Variants in TBC1D5 observed in about 807,000 individuals in gnomAD.
TBC1D5 encodes the protein TBC1 domain family, member 5.
In TBC1D5, 75 loss-of-function variants were observed where a neutral mutation model predicts 100.3. The ratio of observed to expected loss-of-function variants is 0.75; its 90% CI spans 0.62 to 0.91. The LOEUF (loss-of-function observed/expected upper bound fraction) is 0.91. Ranked by LOEUF, TBC1D5 falls within the 40% of genes least tolerant of loss-of-function variation. The pLI, the probability that TBC1D5 is intolerant of heterozygous loss-of-function variation, is 0.00. For synonymous variants in TBC1D5, 323 were observed against 325.6 expected, an observed-to-expected ratio of 0.99 and a Z score of 0.09; for missense variants, 910 against 942.4, an observed-to-expected ratio of 0.97 and a Z score of 0.45.
intron 15 of TBC1D5, among the ~76,000 whole-genome samples, chr3:17,280,164 C>A (rs558237071): frequency 2.6e-5 from 4 of 152,282 alleles, no homozygotes; most frequent in African/African-American, 9.6e-5. Flanking sequence ...TATAACAAAT[C>A]AGTAAACTAC....
At chr3:17,202,994 C>A (rs962731400) in intron 18 of TBC1D5, among the ~76,000 whole-genome samples, 1 of 152,234 alleles carries the variant, frequency 6.6e-6, no homozygotes, top group African/African-American at 2.4e-5. Flanking sequence ...AAGAGGGCCA[C>A]TGTCCTCCAG....
At chr3:17,532,632 T>C (rs1031690152) in intron 2 of TBC1D5, among the ~76,000 whole-genome samples, 3 of 152,176 alleles carry the variant, frequency 2.0e-5, no homozygotes, top group Non-Finnish European at 4.4e-5. Flanking sequence ...GTGGCACATA[T>C]ATACCATGGA....
chr3:17,541,553 T>C (rs766760029), intron 2 of TBC1D5, among the ~76,000 whole-genome samples: 1 of 152,220 alleles, frequency 6.6e-6, no homozygotes, highest in Non-Finnish European at 1.5e-5. Flanking sequence ...TTCTGCTACT[T>C]TGCTGAATTC....
chr3:17,325,375 T>A (rs1001181498), intron 13 of TBC1D5, among the ~76,000 whole-genome samples: 4 of 144,560 alleles, frequency 2.8e-5, no homozygotes, highest in Admixed American at 1.5e-4. Context: ...CAGGCTGGAG[T>A]GCAATGGTGT....
chr3:17,691,608 AGAGATG>A (rs2153830123), intron 1 of TBC1D5, among the ~76,000 whole-genome samples: 1 of 152,262 alleles, frequency 6.6e-6, no homozygotes, highest in South Asian at 2.1e-4. Context: ...CATGAGGTCA[AGAGATG>A]GAGACCATCC....
intron 15 of TBC1D5, among the ~76,000 whole-genome samples, chr3:17,263,943 A>G (rs1374474226): frequency 1.3e-5 from 2 of 152,122 alleles, no homozygotes; most frequent in African/African-American, 4.8e-5. Context: ...TGAGGTATAT[A>G]TTATATGAGA....
At chr3:17,526,221 T>G (rs972345558) in intron 2 of TBC1D5, among the ~76,000 whole-genome samples, 1 of 152,114 alleles carries the variant, frequency 6.6e-6, no homozygotes, top group Non-Finnish European at 1.5e-5. Context: ...ATTCATTTAT[T>G]TATTTATTTT....
chr3:17,468,942 CA>C (rs2095341229), intron 3 of TBC1D5, among the ~76,000 whole-genome samples: 1 of 152,118 alleles, frequency 6.6e-6, no homozygotes, highest in Non-Finnish European at 1.5e-5. Context: ...ACCAGGATAT[CA>C]AAAACCACAT....
At chr3:17,694,279 C>T (rs1255076873) in intron 1 of TBC1D5, among the ~76,000 whole-genome samples, 1 of 152,136 alleles carries the variant, frequency 6.6e-6, no homozygotes, top group Non-Finnish European at 1.5e-5. Context: ...TTCAGAAGGT[C>T]AGTAATAACA....
At chr3:17,391,492 C>T (rs967338669) in intron 8 of TBC1D5, among the ~76,000 whole-genome samples, 1 of 151,796 alleles carries the variant, frequency 6.6e-6, no homozygotes, top group African/African-American at 2.4e-5. Flanking sequence ...TCTAAGCCAC[C>T]AATTTTGGTT....
At chr3:17,311,295 T>C (rs778873625) in intron 13 of TBC1D5, among the ~76,000 whole-genome samples, 3 of 152,036 alleles carry the variant, frequency 2.0e-5, no homozygotes, top group Non-Finnish European at 4.4e-5. Flanking sequence ...ACTGCCATGC[T>C]CATAACCACA....
intron 2 of TBC1D5, among the ~76,000 whole-genome samples, chr3:17,582,380 A>G (rs2096704111): frequency 6.6e-6 from 1 of 152,232 alleles, no homozygotes; most frequent in Non-Finnish European, 1.5e-5. Flanking sequence ...TGAAAATAAA[A>G]TAGAAAATTT....
chr3:17,671,180 T>C (rs1458842315), intron 1 of TBC1D5, among the ~76,000 whole-genome samples: 1 of 152,226 alleles, frequency 6.6e-6, no homozygotes, highest in Non-Finnish European at 1.5e-5. Flanking sequence ...AATATAAAAT[T>C]ATCTGACCAC....
At chr3:17,687,517 GGA>G (rs951051133) in intron 1 of TBC1D5, among the ~76,000 whole-genome samples, 1 of 152,026 alleles carries the variant, frequency 6.6e-6, no homozygotes, top group African/African-American at 2.4e-5. Context: ...AAAAAAGGAG[GGA>G]GGAGACAAAT....
intron 18 of TBC1D5, among the ~76,000 whole-genome samples, chr3:17,189,301 T>C (rs2069563116): frequency 6.6e-6 from 1 of 152,244 alleles, no homozygotes; most frequent in South Asian, 2.1e-4. Flanking sequence ...AACCTTTATG[T>C]AGCTTAGCCC....
At chr3:17,383,876 GA>G in intron 9 of TBC1D5, 36 bp downstream of exon 9, 1 of 1,517,628 alleles carries the variant, frequency 6.6e-7, no homozygotes, top group Non-Finnish European at 9.0e-7. Context: ...AGAAAATTTT[GA>G]GTCAATGGAT....
rs2071373863 is a variant in TBC1D5, at chr3:17,692,849, G to A, written c.-101+46494C>T. On this transcript the variant is annotated intron_variant, in intron 1 of 21. Transcript: ENST00000253692. ...TATAAAAGGATATAAACGAATATAG[G>A]CCAGGCACGGTAGTTCACACTTGTA... 2.0e-5 allele frequency among the ~76,000 whole-genome samples: 3 copies of A among 152,302 alleles called. No individual in the cohort carries two copies. In the South Asian group the frequency reaches 6.2e-4, roughly 32 times the overall value.
At chr3:17,582,461 T>C (rs113383717) in intron 2 of TBC1D5, among the ~76,000 whole-genome samples, 15 of 152,034 alleles carry the variant, frequency 9.9e-5, no homozygotes, top group African/African-American at 3.6e-4. Context: ...AAGGAATCTA[T>C]GGATGATGAC....
rs570223699 is a variant in TBC1D5 at position 17,259,719 on chromosome 3, G to C, written c.1246-1128C>G. 2.7e-3 allele frequency among the ~76,000 whole-genome samples: 408 copies of C among 150,850 alleles called. 8 individuals are homozygous for C. Among genetic ancestry groups the C allele is most frequent in the Non-Finnish European group, 9.4e-4 (64 of 67,810 alleles). ...TACACTTGCATGCAGGCACGGGGGG[G>C]GTTGCGGGGGGATATAATTGCTAAG... On this transcript the variant is annotated intron_variant, in intron 15 of 21. Coordinates refer to ENST00000253692, the Ensembl canonical transcript of TBC1D5.
Sources: allele counts gnomAD v4.1 joint callset (sites outside exome capture counted in the v4.1 genomes callset), GRCh38; gene constraint gnomAD v4.1.1; transcripts MANE v1.5; gene names NCBI Gene and HGNC (gene_info 2026-07-23, HGNC 2026-07-21).